Variants in FNDC3B observed in about 807,000 individuals in gnomAD.
FNDC3B encodes the protein fibronectin type III domain containing 3B.
FNDC3B carries 12 observed loss-of-function variants against 151.5 expected under a neutral mutation model. The ratio of observed to expected loss-of-function variants is 0.08; its 90% CI spans 0.05 to 0.13. FNDC3B has a LOEUF of 0.13. FNDC3B is among the 10% of genes least tolerant of loss of function. FNDC3B has a pLI of 1.00. For missense variants in FNDC3B, 1,214 were observed against 1,505.3 expected, an observed-to-expected ratio of 0.81 and a Z score of 3.20; for synonymous variants, 528 against 549.0, an observed-to-expected ratio of 0.96 and a Z score of 0.54.
At chr3:172,277,645 G>T (rs1032635082) in intron 6 of FNDC3B, among the ~76,000 whole-genome samples, 1 of 152,114 alleles carries the variant, frequency 6.6e-6, no homozygotes, top group Admixed American at 6.6e-5. Flanking sequence ...TTTAAAATAT[G>T]TATTTTTTAC....
At chr3:172,059,833 CA>C (rs1298328574) in intron 1 of FNDC3B, among the ~76,000 whole-genome samples, 1 of 152,086 alleles carries the variant, frequency 6.6e-6, no homozygotes, top group Non-Finnish European at 1.5e-5. Flanking sequence ...ATCTATAGTC[CA>C]GTGAATTAAA....
intron 1 of FNDC3B, among the ~76,000 whole-genome samples, chr3:172,078,479 G>C (rs1388071213): frequency 6.6e-6 from 1 of 152,116 alleles, no homozygotes; most frequent in East Asian, 1.9e-4. Context: ...ACCTCCAGTG[G>C]AATGTAGGTC....
chr3:172,278,901 T>G (rs1202039533), intron 6 of FNDC3B, among the ~76,000 whole-genome samples: 1 of 152,128 alleles, frequency 6.6e-6, no homozygotes, highest in East Asian at 1.9e-4. Flanking sequence ...CACTCCAGCC[T>G]GGGCAACAGA....
intron 1 of FNDC3B, among the ~76,000 whole-genome samples, chr3:172,079,334 G>T (rs561665383): frequency 1.3e-5 from 2 of 152,298 alleles, no homozygotes; most frequent in South Asian, 4.1e-4. Flanking sequence ...TCCAGAATGG[G>T]TCTCTCCCTT....
chr3:172,384,323 T>C (rs2108378596), intron 25 of FNDC3B, among the ~76,000 whole-genome samples: 2 of 152,354 alleles, frequency 1.3e-5, no homozygotes, highest in South Asian at 4.1e-4. Context: ...TATGGTTCCT[T>C]TTATTTTTGA....
At chr3:172,385,161 G>GA (rs1281191111) in intron 25 of FNDC3B, among the ~76,000 whole-genome samples, 2 of 152,070 alleles carry the variant, frequency 1.3e-5, no homozygotes, top group African/African-American at 4.8e-5. Context: ...ATGAGCTAGG[G>GA]AATGAAACAT....
intron 7 of FNDC3B, among the ~76,000 whole-genome samples, chr3:172,290,895 T>C (rs999317756): frequency 6.6e-6 from 1 of 152,222 alleles, no homozygotes; most frequent in Non-Finnish European, 1.5e-5. Flanking sequence ...TGTGGTAATA[T>C]TTCCTTAGTG....
intron 9 of FNDC3B, chr3:172,303,112 T>C (rs1731015323): frequency 6.6e-6 from 1 of 152,196 alleles, no homozygotes; most frequent in South Asian, 2.1e-4. Context: ...AAATGTATGC[T>C]GTGTATGCAT....
chr3:172,317,094 A>G, intron 11 of FNDC3B: 2 of 436,960 alleles, frequency 4.6e-6, no homozygotes, highest in Middle Eastern at 3.4e-4. Flanking sequence ...ATTTGTGAGG[A>G]TAGAGCCCTT....
intron 1 of FNDC3B, among the ~76,000 whole-genome samples, chr3:172,058,094 A>G (rs1717000716): frequency 6.6e-6 from 1 of 152,166 alleles, no homozygotes; most frequent in African/African-American, 2.4e-5. Context: ...TATTGTCAGA[A>G]TTGGCACAAT....
chr3:172,256,153 C>T (rs13098737), intron 6 of FNDC3B, among the ~76,000 whole-genome samples: 23,182 of 152,174 alleles, frequency 0.15, 2,308 homozygotes, highest in Non-Finnish European at 0.21. Context: ...CACATTTCCC[C>T]ACCAGACATG....
At chr3:172,173,328 T>C (rs1723374140) in intron 3 of FNDC3B, among the ~76,000 whole-genome samples, 1 of 152,070 alleles carries the variant, frequency 6.6e-6, no homozygotes, top group African/African-American at 2.4e-5. Flanking sequence ...ACTTTAACCA[T>C]TTAAAAATAA....
At chr3:172,081,306 G>T (rs973506098) in intron 1 of FNDC3B, among the ~76,000 whole-genome samples, 5 of 151,750 alleles carry the variant, frequency 3.3e-5, no homozygotes, top group Admixed American at 1.3e-4. Context: ...TGGTGTCGGT[G>T]GCATTTCTTT....
intron 24 of FNDC3B, among the ~76,000 whole-genome samples, chr3:172,379,612 C>T (rs530511852): frequency 2.6e-5 from 4 of 151,496 alleles, no homozygotes; most frequent in Middle Eastern, 3.4e-3. Context: ...TACACATGCA[C>T]GGCCTTGTCA....
chr3:172,339,672 G>A (rs1175398205), intron 16 of FNDC3B, among the ~76,000 whole-genome samples: 1 of 152,220 alleles, frequency 6.6e-6, no homozygotes, highest in African/African-American at 2.4e-5. Context: ...GGCTCGTTGT[G>A]AATATTTAAG....
intron 1 of FNDC3B, among the ~76,000 whole-genome samples, chr3:172,077,433 G>T (rs1718068168): frequency 6.6e-6 from 1 of 152,198 alleles, no homozygotes; most frequent in Admixed American, 6.5e-5. Context: ...CATTGATCCA[G>T]CGGTGTGAAA....
At chr3:172,204,685 TTTG>T (rs901359226) in intron 3 of FNDC3B, among the ~76,000 whole-genome samples, 8 of 152,228 alleles carry the variant, frequency 5.3e-5, no homozygotes, top group African/African-American at 1.7e-4. Context: ...AGTGGGTTTT[TTTG>T]TTGTTGTCAG....
chr3:172,075,323 G>T (rs1401237213), intron 1 of FNDC3B, among the ~76,000 whole-genome samples: 2 of 152,232 alleles, frequency 1.3e-5, no homozygotes, highest in African/African-American at 4.8e-5. Context: ...CTGTGCTGGA[G>T]GCATGATATT....
intron 3 of FNDC3B, among the ~76,000 whole-genome samples, chr3:172,150,641 C>A (rs1015798737): frequency 9.9e-5 from 15 of 151,764 alleles, no homozygotes; most frequent in Non-Finnish European, 2.1e-4. Context: ...AGAGATAACA[C>A]CACCGATTAA....
Sources: gnomAD v4.1 joint callset for allele counts (sites outside exome capture counted in the v4.1 genomes callset) on GRCh38, gnomAD v4.1.1 for gene constraint, MANE v1.5 for transcripts, NCBI Gene and HGNC (gene_info 2026-07-23, HGNC 2026-07-21) for gene names.